Variants in PMEL observed in about 807,000 individuals in gnomAD.
PMEL encodes premelanosome protein, also known as melanocyte protein PMEL.
Under a neutral mutation model 64.9 loss-of-function variants are expected in PMEL, and 53 were observed. The ratio of observed to expected loss-of-function variants is 0.82; its 90% confidence interval spans 0.66 to 1.03. The LOEUF is 1.03. PMEL is among the 50% of genes least tolerant of loss of function. The pLI is 0.00. For synonymous variants in PMEL, 299 were observed against 316.2 expected, an observed-to-expected ratio of 0.95 and a Z score of 0.58; for missense variants, 716 against 814.9, an observed-to-expected ratio of 0.88 and a Z score of 1.48.
intron 10 of PMEL, among the ~76,000 whole-genome samples, chr12:55,955,066 T>C (rs1888803935): frequency 6.6e-6 from 1 of 152,238 alleles, no homozygotes; most frequent in East Asian, 1.9e-4. Flanking sequence ...TTAGTTTACC[T>C]ACTTTTCAGA....
chr12:55,966,333 G>A, upstream of PMEL: 1 of 334,340 alleles, frequency 3.0e-6, no homozygotes, highest in South Asian at 4.3e-5. Context: ...ATTAAACCAG[G>A]AACTTCTCAA....
chr12:55,959,656 T>G (rs1889025579), intron 3 of PMEL, among the ~76,000 whole-genome samples: 1 of 151,828 alleles, frequency 6.6e-6, no homozygotes, highest in Non-Finnish European at 1.5e-5. Flanking sequence ...AATACAAAAA[T>G]TAGCCAGGCG....
At chr12:55,966,577 G>C, upstream of PMEL, 1 of 580,578 alleles carries the variant, frequency 1.7e-6, no homozygotes, top group Non-Finnish European at 2.2e-6. Context: ...ACAGACTAGA[G>C]ACATAGGTAG....
At position 55,958,626 on chromosome 12, in the gene PMEL, G is replaced by A. The variant is rs1001399238; in HGVS notation, c.335-19C>T. On this transcript the variant is annotated intron_variant, in intron 3 of 10. Coordinates refer to ENST00000548747, the MANE Select transcript of PMEL (RefSeq NM_001384361.1). ...TGGCTCCCTGAAAGATAAATACAGA[G>A]TCACTCTCAAACCCTGGCATTCTTT... 6.2e-7 allele frequency: 1 copy of A among 1,610,420 alleles called. No individual in the cohort carries two copies. Among genetic ancestry groups the A allele is most frequent in the African/African-American group, 1.3e-5 (1 of 74,734 alleles).
Position 55,957,662 on chromosome 12 carries a change from G to GCCTTT in PMEL, c.640_641insAAAGG (p.Pro214GlnfsTer6). On this transcript the variant is annotated frameshift_variant, in exon 6 of 11. Transcript: ENST00000548747. LOFTEE classifies it high-confidence loss of function. ...CAACTGGGACACGCTCACGGAGAAA[G>GCCTTT]GCACCTGGTCTGGGATTGGAGCCAG... The GCCTTT allele has an allele frequency of 6.2e-7, 1 of 1,610,850 alleles. No individual in the cohort carries two copies.
chr12:55,956,007 T>G, intron 7 of PMEL, 96 bp downstream of exon 7: 1 of 1,097,294 alleles, frequency 9.1e-7, no homozygotes, highest in South Asian at 1.3e-5. Flanking sequence ...ATTCTTCCTA[T>G]CTAGGTGAGT....
upstream of PMEL, chr12:55,966,591 A>G: frequency 1.3e-6 from 1 of 773,828 alleles, no homozygotes; most frequent in Admixed American, 5.2e-5. Flanking sequence ...TAGGTAGGAA[A>G]CTTGGACCCA....
Position 55,961,343 on chromosome 12 carries a change from A to G in PMEL, c.308T>C (p.Ile103Thr), listed in dbSNP as rs1479073178. The G allele has an allele frequency of 1.2e-6, 2 of 1,614,102 alleles. No homozygotes were observed. The highest frequency in any genetic ancestry group is 1.7e-6 in the Non-Finnish European group (2 of 1,180,030). ...ATTGATGATGGTATTGTTGACCCAGATAACCTGCCCATCTGGCAATACCTT... is the reference window on the plus strand; with the variant it reads ...ATTGATGATGGTATTGTTGACCCAGGTAACCTGCCCATCTGGCAATACCTT... ...SQKVLPDGQV[I>T]WVNNTIINGS... The change falls in exon 3 of 11, where the codon ATC becomes ACC. Residue 103 changes from isoleucine to threonine, a missense_variant. Ile to Thr is a moderately conservative substitution (Grantham distance 89). Transcript: ENST00000548747.
In PMEL at chr12:55,961,410, T is replaced by C; in HGVS notation, c.241A>G (p.Asn81Asp). The change falls in exon 3 of 11, where the codon AAT (asparagine) becomes GAT (aspartate). Residue 81 changes from asparagine (N) to aspartate (D), a missense_variant. Asn to Asp is a conservative substitution (Grantham distance 23, BLOSUM62 1). Coordinates refer to ENST00000548747, the MANE Select transcript of PMEL (RefSeq NM_001384361.1). ...TTCAAGGCAATAGAGAAGGAGGCAT[T>C]TGCACCAATCAGTGTAGGCCCATCA... is the stretch of plus-strand genomic sequence containing the variant. ...SNDGPTLIGA[N>D]ASFSIALNFP... 1 of 1,614,074 alleles carries C rather than the reference T, an allele frequency of 6.2e-7. No homozygotes were observed. Among genetic ancestry groups the C allele is most frequent in the Non-Finnish European group, 8.5e-7 (1 of 1,179,960 alleles).
rs1350966561 is a variant in PMEL, at chr12:55,961,338, C to T, written c.313G>A (p.Val105Ile). ...TCACCATTGATGATGGTATTGTTGA[C>T]CCAGATAACCTGCCCATCTGGCAAT... ...KVLPDGQVIW[V>I]NNTIINGSQV... is the part of the protein sequence containing the mutation. Residue 105 changes from valine (V) to isoleucine (I), a missense_variant, in exon 3 of 11, where the codon GTC becomes ATC. Physicochemically the swap from Val to Ile is conservative, Grantham distance 29. Coordinates refer to ENST00000548747, the MANE Select transcript of PMEL (RefSeq NM_001384361.1). The T allele has an allele frequency of 8.7e-6, 14 of 1,614,122 alleles. No homozygotes were observed. Among genetic ancestry groups the T allele is most frequent in the African/African-American group, 1.3e-5 (1 of 75,052 alleles).
At chr12:55,966,132 C>A (rs754257508), upstream of PMEL, 3 of 1,507,996 alleles carry the variant, frequency 2.0e-6, no homozygotes, top group Admixed American at 2.1e-5. Context: ...TGGGAGGGGC[C>A]GGAGGAGAGG....
intron 10 of PMEL, 72 bp from the exon 11 acceptor site, chr12:55,954,421 G>T: frequency 2.0e-6 from 3 of 1,510,004 alleles, no homozygotes; most frequent in East Asian, 4.5e-5. Context: ...TCCAAAGAAG[G>T]GAACACACCC....
intron 3 of PMEL, 24 bp downstream of exon 3, chr12:55,961,293 G>A (rs777411149): frequency 1.1e-5 from 18 of 1,609,308 alleles, no homozygotes; most frequent in Non-Finnish European, 1.5e-5. Flanking sequence ...TAGGAATAAG[G>A]ACCTAGAATA....
At chr12:55,961,898 A>G (rs1028104844) in intron 1 of PMEL, among the ~76,000 whole-genome samples, 166 bp from the exon 2 acceptor site, 6 of 145,082 alleles carry the variant, frequency 4.1e-5, no homozygotes, top group African/African-American at 1.3e-4. Flanking sequence ...GTGCAATGGC[A>G]TGATCTCGGC....
intron 1 of PMEL, among the ~76,000 whole-genome samples, chr12:55,964,601 C>T (rs758004912): frequency 3.3e-5 from 5 of 152,024 alleles, no homozygotes; most frequent in Non-Finnish European, 4.4e-5. Context: ...CCACTACACC[C>T]GGCCTCCTTA....
At chr12:55,958,107 C>T (rs1888965985) in intron 4 of PMEL, 23 bp from the exon 5 acceptor site, 2 of 1,612,772 alleles carry the variant, frequency 1.2e-6, no homozygotes, top group Non-Finnish European at 1.7e-6. Flanking sequence ...GAATGAAAAG[C>T]AAGGAAGAAG....
intron 10 of PMEL, among the ~76,000 whole-genome samples, chr12:55,954,853 G>T (rs1888791374): frequency 6.6e-6 from 1 of 151,938 alleles, no homozygotes; most frequent in African/African-American, 2.4e-5. Flanking sequence ...GCAGTGAGCT[G>T]AGATTATGCC....
chr12:55,959,597 G>A, intron 3 of PMEL, among the ~76,000 whole-genome samples: 1 of 152,032 alleles, frequency 6.6e-6, no homozygotes, highest in East Asian at 1.9e-4. Context: ...CTGAGGTCAG[G>A]AGTTCAAGAC....
chr12:55,961,708 C>G lies in PMEL; in HGVS notation c.101G>C (p.Gly34Ala). 1 of 1,613,978 alleles carries G rather than the reference C, an allele frequency of 6.2e-7. No individual in the cohort carries two copies. Among genetic ancestry groups the G allele is most frequent in the Non-Finnish European group, 8.5e-7 (1 of 1,179,894 alleles). The change falls in exon 2 of 11, where the codon GGT becomes GCT. Residue 34 changes from glycine to alanine, a missense_variant. Gly to Ala is a moderately conservative substitution (Grantham distance 60). Transcript: ENST00000548747. ...TTTGGTTCTGAGTTGCCTTGAGACACCAAGCCAGTCCTGGTTTCTGGGTAC... is the reference window on the plus strand; with the variant it reads ...TTTGGTTCTGAGTTGCCTTGAGACAGCAAGCCAGTCCTGGTTTCTGGGTAC... ...TKVPRNQDWLGVSRQLRTKAW... is the reference protein window; with the variant it reads ...TKVPRNQDWLAVSRQLRTKAW...
Sources: gnomAD v4.1 joint callset for allele counts (sites outside exome capture counted in the v4.1 genomes callset) on GRCh38, gnomAD v4.1.1 for gene constraint, MANE v1.5 for transcripts, NCBI Gene and HGNC (gene_info 2026-07-23, HGNC 2026-07-21) for gene names.